Variants in SNX4 observed in about 807,000 individuals in gnomAD.
The protein encoded by SNX4 is sorting nexin-4.
SNX4 carries 49 observed loss-of-function variants against 70.8 expected under a neutral mutation model. The observed-to-expected ratio is 0.69, with a 90% CI of 0.55 to 0.88. SNX4 has a LOEUF of 0.88. Among genes scored for constraint, SNX4 ranks in the 40% least tolerant of loss-of-function variants. The pLI, the probability that SNX4 is intolerant of heterozygous loss-of-function variation, is 0.00. For missense variants in SNX4, 528 were observed against 544.8 expected (o/e 0.97, Z 0.31); for synonymous variants, 206 against 183.8 (o/e 1.12, Z -0.98).
chr3:125,461,095 G>A (rs188517929), intron 9 of SNX4, among the ~76,000 whole-genome samples: 1 of 152,044 alleles, frequency 6.6e-6, no homozygotes, highest in Non-Finnish European at 1.5e-5. Context: ...AAGTGGGGGC[G>A]GGTGCCTGTA....
At chr3:125,453,462 TA>T (rs1188804632) in intron 12 of SNX4, among the ~76,000 whole-genome samples, 2 of 152,126 alleles carry the variant, frequency 1.3e-5, no homozygotes, top group African/African-American at 4.8e-5. Flanking sequence ...ACTGTTTCTA[TA>T]ACATTATTTT....
intron 5 of SNX4, 107 bp downstream of exon 5, chr3:125,497,234 G>T (rs1051005533): frequency 7.8e-6 from 5 of 639,096 alleles, no homozygotes; most frequent in South Asian, 2.1e-5. Context: ...ATTGTAAGAC[G>T]ATTTCCAACA....
chr3:125,499,796 C>T (rs183530413), intron 2 of SNX4, among the ~76,000 whole-genome samples: 149 of 148,026 alleles, frequency 1.0e-3, no homozygotes, highest in Admixed American at 2.6e-3. Context: ...CGGTTGGATG[C>T]GGTGGCTCAC....
chr3:125,497,771 C>A, intron 4 of SNX4, 63 bp downstream of exon 4: 3 of 1,163,692 alleles, frequency 2.6e-6, no homozygotes, highest in Non-Finnish European at 3.6e-6. Context: ...AAGTATTCTA[C>A]AATTTTTTTA....
chr3:125,504,794 G>T (rs1190222172), intron 1 of SNX4, 50 bp from the exon 2 acceptor site: 17 of 1,578,672 alleles, frequency 1.1e-5, no homozygotes, highest in Non-Finnish European at 1.4e-5. Context: ...CTTTAAGATG[G>T]TACTGAAAAA....
In SNX4 at chr3:125,498,171, T is replaced by C. The variant is rs1934843639; in HGVS notation, c.287A>G (p.Gln96Arg). 6 of 1,614,022 alleles carry C rather than the reference T, an allele frequency of 3.7e-6. No individual in the cohort carries two copies. The East Asian group carries it at 1.3e-4, about 36-fold the overall frequency. Residue 96 changes from glutamine (Q) to arginine (R), a missense_variant, in exon 3 of 14, where the codon CAG (glutamine) becomes CGG (arginine). Physicochemically the swap from Gln to Arg is conservative, Grantham distance 43 (BLOSUM62 1). Transcript: ENST00000251775. ...CCATAGTGAGTCTGTTAGGACACTC[T>C]GACCATCGGTATGTTCAACTGACCT... ...ETRSVEHTDG[Q>R]SVLTDSLWRR... is the part of the protein sequence containing the mutation.
At chr3:125,466,919 C>T (rs1313914528) in intron 9 of SNX4, among the ~76,000 whole-genome samples, 2 of 151,854 alleles carry the variant, frequency 1.3e-5, no homozygotes, top group Non-Finnish European at 1.5e-5. Flanking sequence ...CCCGTCTCTA[C>T]TAAAAATACA....
At chr3:125,495,277 T>TATATATATATATATATATACACACACAC in intron 5 of SNX4, among the ~76,000 whole-genome samples, 5 of 99,616 alleles carry the variant, frequency 5.0e-5, no homozygotes, top group Admixed American at 4.9e-4. Context: ...TATATATATA[T>TATATATATATATATATATACACACACAC]ACACATACAC....
intron 4 of SNX4, 116 bp from the exon 5 acceptor site, chr3:125,497,504 A>T (rs1405728864): frequency 1.4e-6 from 1 of 739,614 alleles, no homozygotes; most frequent in African/African-American, 1.8e-5. Context: ...AGAGAAGTTT[A>T]AAAAAATTTC....
chr3:125,448,669 CTTTTTTTTTT>C (rs921502028), intron 13 of SNX4, among the ~76,000 whole-genome samples: 3 of 95,368 alleles, frequency 3.1e-5, no homozygotes, highest in East Asian at 6.0e-4. Context: ...GGGTTTTTTC[CTTTTTTTTTT>C]TTTTTTTTTT....
chr3:125,516,192 T>C (rs1372738898), intron 1 of SNX4, among the ~76,000 whole-genome samples: 1 of 152,124 alleles, frequency 6.6e-6, no homozygotes, highest in Non-Finnish European at 1.5e-5. Context: ...TGGCAAATAC[T>C]GTAAATGGTT....
intron 5 of SNX4, among the ~76,000 whole-genome samples, chr3:125,495,275 T>TATATATATATATATATAC: frequency 3.0e-4 from 25 of 83,048 alleles, no homozygotes; most frequent in African/African-American, 6.5e-4. Context: ...TATATATATA[T>TATATATATATATATATAC]ATACACATAC....
intron 1 of SNX4, among the ~76,000 whole-genome samples, chr3:125,515,448 G>A (rs1480939582): frequency 6.6e-6 from 1 of 151,720 alleles, no homozygotes; most frequent in African/African-American, 2.4e-5. Context: ...GATCACTGGA[G>A]CCCAGATGTT....
chr3:125,506,738 C>T (rs1264875419), intron 1 of SNX4, among the ~76,000 whole-genome samples: 2 of 138,174 alleles, frequency 1.4e-5, no homozygotes, highest in African/African-American at 5.4e-5. Flanking sequence ...AGGCATGAGC[C>T]ACCATGCCTG....
intron 5 of SNX4, among the ~76,000 whole-genome samples, chr3:125,489,943 T>C (rs1176017324): frequency 1.3e-5 from 2 of 151,806 alleles, no homozygotes; most frequent in Non-Finnish European, 2.9e-5. Context: ...CTGGCCAACA[T>C]GATGAAACCC....
Position 125,453,962 on chromosome 3 carries a change from G to C in SNX4, c.1045-7C>G, listed in dbSNP as rs1165721509. 6.2e-7 allele frequency: 1 copy of C among 1,610,264 alleles called. No homozygotes were observed. Among genetic ancestry groups the C allele is most frequent in the East Asian group, 2.2e-5 (1 of 44,798 alleles). On this transcript the variant is annotated splice_polypyrimidine_tract_variant and splice_region_variant and intron_variant, in intron 11 of 13. Transcript: ENST00000251775. ...AAGAGAATGTTCTCACAGTCTAAAA[G>C]GAAACAGAAACAGATGAATGGATAA...
intron 11 of SNX4, among the ~76,000 whole-genome samples, chr3:125,455,509 G>A (rs961454136): frequency 6.6e-6 from 1 of 152,098 alleles, no homozygotes; most frequent in African/African-American, 2.4e-5. Flanking sequence ...TCACTCTCTG[G>A]AGTTTACTGA....
chr3:125,479,670 GTTCTAAGGTTCC>G (rs1344141814), intron 7 of SNX4, among the ~76,000 whole-genome samples: 1 of 152,158 alleles, frequency 6.6e-6, no homozygotes, highest in Non-Finnish European at 1.5e-5. Context: ...GCACAGGCAT[GTTCTAAGGTTCC>G]TTCTAGGTTG....
intron 6 of SNX4, among the ~76,000 whole-genome samples, chr3:125,488,447 C>T (rs949447872): frequency 2.6e-5 from 4 of 152,006 alleles, no homozygotes; most frequent in Non-Finnish European, 4.4e-5. Flanking sequence ...TACACTCCAG[C>T]CTGGGCGACA....
Sources: allele counts gnomAD v4.1 joint callset (sites outside exome capture counted in the v4.1 genomes callset), GRCh38; gene constraint gnomAD v4.1.1; transcripts MANE v1.5; gene names NCBI Gene and HGNC (gene_info 2026-07-23, HGNC 2026-07-21).